FAT4: variants seen among roughly 807,000 people sequenced by gnomAD.
FAT4 encodes the protein protocadherin Fat 4.
Under a neutral mutation model 303.9 loss-of-function variants are expected in FAT4, and 84 were observed. That is an observed-to-expected ratio of 0.28 (90% CI 0.23 to 0.33). FAT4 has a LOEUF of 0.33. Ranked by LOEUF, FAT4 falls within the 10% of genes least tolerant of loss-of-function variation. The pLI is 1.00. For missense variants in FAT4, 6,005 were observed against 6,146.8 expected (o/e 0.98, Z 0.77); for synonymous variants, 2,307 against 2,298.8 (o/e 1.00, Z -0.10).
rs755643759 is a variant in FAT4, at chr4:125,321,503, C to T, written c.5092C>T (p.Arg1698Trp). ...AATTCAGACCGCAGCCATTCTGGAC[C>T]GGGAGCAAGGAGCATGTCTTTACCT... ...GIIQTAAILDREQGACLYLVD... is the reference protein window; with the variant it reads ...GIIQTAAILDWEQGACLYLVD... The change falls in exon 2 of 18, where the codon CGG (arginine) becomes TGG (tryptophan). Residue 1698 changes from arginine (R) to tryptophan (W), a missense_variant. Coordinates refer to ENST00000394329, the MANE Select transcript of FAT4 (RefSeq NM_001291303.3). The T allele has an allele frequency of 1.2e-5, 20 of 1,613,878 alleles. No individual in the cohort carries two copies. Among genetic ancestry groups the T allele is most frequent in the African/African-American group, 2.7e-5 (2 of 74,876 alleles).
intron 2 of FAT4, among the ~76,000 whole-genome samples, chr4:125,355,105 T>C (rs1303440593): frequency 6.6e-6 from 1 of 151,968 alleles, no homozygotes; most frequent in Non-Finnish European, 1.5e-5. Context: ...ATCAAAAATT[T>C]ATATTTTTAG....
At chr4:125,484,060 TAC>T (rs34883833) in intron 16 of FAT4, among the ~76,000 whole-genome samples, 62,425 of 137,880 alleles carry the variant, frequency 0.45, 13,647 homozygotes, top group Admixed American at 0.55. Flanking sequence ...CAGACACACA[TAC>T]ACACACACAC....
At chr4:125,381,639 C>A (rs1357391408) in intron 2 of FAT4, among the ~76,000 whole-genome samples, 4 of 152,156 alleles carry the variant, frequency 2.6e-5, no homozygotes, top group Non-Finnish European at 5.9e-5. Context: ...TGGCTGCTGA[C>A]TGATCAGGGT....
At chr4:125,440,621 G>GAGAGAGAGAT (rs1725627865) in intron 8 of FAT4, among the ~76,000 whole-genome samples, 1 of 146,570 alleles carries the variant, frequency 6.8e-6, no homozygotes, top group African/African-American at 2.5e-5. Context: ...GAGAGAGAGA[G>GAGAGAGAGAT]AGAGAGAGAG....
chr4:125,410,712 A>G (rs992492111), intron 5 of FAT4, among the ~76,000 whole-genome samples: 1 of 152,158 alleles, frequency 6.6e-6, no homozygotes, highest in African/African-American at 2.4e-5. Context: ...CTGCGAAGAT[A>G]CCAAAAAATT....
chr4:125,399,734 C>T (rs1363109114), intron 3 of FAT4, among the ~76,000 whole-genome samples: 3 of 151,938 alleles, frequency 2.0e-5, no homozygotes, highest in Non-Finnish European at 4.4e-5. Flanking sequence ...GTCATTTATA[C>T]ATTTTGCCAA....
intron 2 of FAT4, among the ~76,000 whole-genome samples, chr4:125,389,505 G>A (rs1022639511): frequency 3.3e-5 from 5 of 152,010 alleles, no homozygotes; most frequent in African/African-American, 4.8e-5. Flanking sequence ...CTTACTTTAT[G>A]ATAATTTCTG....
In FAT4 at chr4:125,451,445, A is replaced by G. The variant is rs1462879404; in HGVS notation, c.10435A>G (p.Asn3479Asp). 3 of 1,614,004 alleles carry G rather than the reference A, an allele frequency of 1.9e-6. No individual in the cohort carries two copies. In the African/African-American group the frequency reaches 4.0e-5, roughly 22 times the overall value. Reference protein sequence around the residue: ...ELDRETLPIYNLSVLAVDSGT... With the variant: ...ELDRETLPIYDLSVLAVDSGT... The stretch of plus-strand genomic sequence containing the variant: ...AGATCGAGAAACCCTTCCCATCTAT[A>G]ATCTCTCAGTTTTGGCTGTTGATTC... The change falls in exon 10 of 18, where the codon AAT (asparagine) becomes GAT (aspartate). Residue 3479 changes from asparagine (N) to aspartate (D), a missense_variant. Asn to Asp is a conservative substitution (Grantham distance 23). Transcript: ENST00000394329.
At position 125,481,731 on chromosome 4, in the gene FAT4, C is replaced by G; in HGVS notation, c.12815C>G (p.Thr4272Ser). The G allele has an allele frequency of 6.2e-7, 1 of 1,613,810 alleles. No homozygotes were observed. Among genetic ancestry groups the G allele is most frequent in the South Asian group, 1.1e-5 (1 of 91,066 alleles). The change falls in exon 16 of 18, where the codon ACT (threonine) becomes AGT (serine). Residue 4272 changes from threonine (T) to serine (S), a missense_variant. By Grantham distance (58) the Thr-to-Ser change is moderately conservative. Coordinates refer to ENST00000394329, the MANE Select transcript of FAT4 (RefSeq NM_001291303.3). Reference sequence around the variant, plus strand: ...ATCCAAGAAAGCAGCAATTACACTACTGTGAAGGTGAGATAAAAGCTAATG... The same window carrying G: ...ATCCAAGAAAGCAGCAATTACACTAGTGTGAAGGTGAGATAAAAGCTAATG... Reference protein sequence around the residue: ...IHIQESSNYTTVKIKNGKVYF... With the variant: ...IHIQESSNYTSVKIKNGKVYF...
chr4:125,490,360 C>T lies in FAT4; in HGVS notation c.13544C>T (p.Ala4515Val). 2 of 1,614,156 alleles carry T rather than the reference C, an allele frequency of 1.2e-6. No homozygotes were observed. The highest frequency in any genetic ancestry group is 1.7e-6 in the Non-Finnish European group (2 of 1,180,042). ...GTGCCTGCCATCGTGGGCAGCTGCG[C>T]AACCGTCTTGGCCCTCCTGGTCCTT... The part of the protein sequence containing the change: ...WAVPAIVGSC[A>V]TVLALLVLSL... Residue 4515 changes from alanine (A) to valine (V), a missense_variant, in exon 18 of 18, where the codon GCA (alanine) becomes GTA (valine). By Grantham distance (64) the Ala-to-Val change is moderately conservative. Coordinates refer to ENST00000394329, the MANE Select transcript of FAT4 (RefSeq NM_001291303.3).
chr4:125,361,672 C>G (rs1732676536), intron 2 of FAT4, among the ~76,000 whole-genome samples: 1 of 152,072 alleles, frequency 6.6e-6, no homozygotes, highest in African/African-American at 2.4e-5. Context: ...AGAAGCCACA[C>G]AGAGAAAGAG....
intron 4 of FAT4, 129 bp from the exon 5 acceptor site, chr4:125,408,315 T>C (rs1734700868): frequency 8.7e-6 from 5 of 577,786 alleles, no homozygotes; most frequent in Non-Finnish European, 1.5e-5. Context: ...ATGTTCACTG[T>C]ATTTTCATAG....
intron 7 of FAT4, among the ~76,000 whole-genome samples, chr4:125,432,601 T>TA (rs1560605603): frequency 6.7e-6 from 1 of 149,312 alleles, no homozygotes; most frequent in Non-Finnish European, 1.5e-5. Flanking sequence ...AAGCAAGTAC[T>TA]AAAAAGGCAT....
chr4:125,384,029 G>T (rs1733640961), intron 2 of FAT4, among the ~76,000 whole-genome samples: 1 of 152,128 alleles, frequency 6.6e-6, no homozygotes, highest in Non-Finnish European at 1.5e-5. Flanking sequence ...TGCTGAATAT[G>T]ATTCCATTGT....
chr4:125,391,315 ACAC>A (rs1733967173), intron 2 of FAT4, among the ~76,000 whole-genome samples: 2 of 152,216 alleles, frequency 1.3e-5, no homozygotes, highest in South Asian at 4.1e-4. Context: ...TGGTACATAT[ACAC>A]CATGGAATAC....
chr4:125,461,932 G>A (rs1197425447), intron 10 of FAT4, among the ~76,000 whole-genome samples: 1 of 151,922 alleles, frequency 6.6e-6, no homozygotes, highest in Non-Finnish European at 1.5e-5. Context: ...AAGTTTTCCT[G>A]CCTATTTCTC....
chr4:125,397,174 A>C (rs932723268), intron 2 of FAT4, among the ~76,000 whole-genome samples: 1 of 151,848 alleles, frequency 6.6e-6, no homozygotes, highest in Non-Finnish European at 1.5e-5. Flanking sequence ...AGAATACTTC[A>C]CTCTGTGCCA....
intron 12 of FAT4, among the ~76,000 whole-genome samples, chr4:125,471,895 C>CAAAAAAAAAAAAAAAAAAAAAAAAA (rs60730341): frequency 8.9e-5 from 5 of 56,118 alleles, no homozygotes; most frequent in East Asian, 5.1e-4. Flanking sequence ...ACTAAAAATA[C>CAAAAAAAAAAAAAAAAAAAAAAAAA]AAAAAAAAAA....
intron 2 of FAT4, among the ~76,000 whole-genome samples, chr4:125,328,635 A>G (rs937827318): frequency 6.6e-6 from 1 of 152,246 alleles, no homozygotes; most frequent in East Asian, 1.9e-4. Context: ...TATCATTCAC[A>G]GATTCTAACA....
Sources: gnomAD v4.1 joint callset for allele counts (sites outside exome capture counted in the v4.1 genomes callset) on GRCh38, gnomAD v4.1.1 for gene constraint, MANE v1.5 for transcripts, NCBI Gene and HGNC (gene_info 2026-07-23, HGNC 2026-07-21) for gene names.